The following PSMB2 variants were observed in gnomAD, a reference collection of about 807,000 sequenced individuals.
The protein encoded by PSMB2 is proteasome subunit beta type-2.
Under a neutral mutation model 25.7 loss-of-function variants are expected in PSMB2, and 13 were observed. The observed-to-expected ratio is 0.51, with a 90% CI of 0.33 to 0.80. The LOEUF is 0.80. Among genes scored for constraint, PSMB2 ranks in the 30% least tolerant of loss-of-function variants. PSMB2 has a pLI of 0.02. For synonymous variants in PSMB2, 87 were observed against 96.2 expected (o/e 0.90, Z 0.56); for missense variants, 202 against 259.0 (o/e 0.78, Z 1.51).
At chr1:35,628,631 A>ATATTTTTTTTTTTT (rs1202256440) in intron 3 of PSMB2, among the ~76,000 whole-genome samples, 2 of 38,084 alleles carry the variant, frequency 5.3e-5, no homozygotes, top group East Asian at 5.5e-3. Context: ...ATATATATAT[A>ATATTTTTTTTTTTT]TTTTTTTTTT....
chr1:35,613,461 T>C (rs1650396603), intron 3 of PSMB2, among the ~76,000 whole-genome samples: 1 of 152,020 alleles, frequency 6.6e-6, no homozygotes, highest in Non-Finnish European at 1.5e-5. Context: ...CAGTGAACTA[T>C]GATCCCCCCA....
intron 2 of PSMB2, among the ~76,000 whole-genome samples, chr1:35,632,528 A>G (rs903620476): frequency 6.6e-6 from 1 of 152,256 alleles, no homozygotes; most frequent in African/African-American, 2.4e-5. Context: ...TTCAGGGTCT[A>G]TGCTGAGTGT....
At chr1:35,638,854 G>A (rs1464974901) in intron 1 of PSMB2, among the ~76,000 whole-genome samples, 1 of 152,208 alleles carries the variant, frequency 6.6e-6, no homozygotes, top group Non-Finnish European at 1.5e-5. Context: ...ATTGGAAGTT[G>A]TATTATCATT....
Position 35,636,428 on chromosome 1 carries a change from A to G in PSMB2, c.96T>C (p.His32=), listed in dbSNP as rs1319080084. The change falls in exon 2 of 6, where the codon CAT becomes CAC. Residue 32 remains histidine, a synonymous_variant. Coordinates refer to ENST00000373237, the MANE Select transcript of PSMB2 (RefSeq NM_002794.5). ...TTTCACTCATCTTAAACATCTTGTC[A>G]TGATCTGCTCAAAGAAGAAAACTGT... ...ASNIVQMKDD[H]DKMFKMSEKI... 1.2e-6 allele frequency: 2 copies of G among 1,613,758 alleles called. No individual in the cohort carries two copies. The highest frequency in any genetic ancestry group is 1.7e-6 in the Non-Finnish European group (2 of 1,179,854).
chr1:35,605,967 A>C (rs1216292793), intron 4 of PSMB2, among the ~76,000 whole-genome samples: 1 of 152,258 alleles, frequency 6.6e-6, no homozygotes, highest in African/African-American at 2.4e-5. Flanking sequence ...TAGCGTGGCT[A>C]AGGTTGAGCG....
Position 35,601,674 on chromosome 1 carries a change from TC to T in PSMB2, c.*1592del. 2.0e-6 allele frequency: 2 copies of T among 985,310 alleles called. No homozygotes were observed. The highest frequency in any genetic ancestry group is 2.4e-6 in the Non-Finnish European group (2 of 829,844). The allele number at this position is 985,310 out of a possible 1,614,324, so 61.0% of individuals were successfully genotyped here. On this transcript the variant is annotated 3_prime_UTR_variant, in exon 6 of 6. Transcript: ENST00000373237. ...TAATCACAGACAAAACAAAAACCTA[TC>T]TGTATATGATATTAAGAGGAGCACA...
At chr1:35,637,454 G>C (rs1490273396) in intron 1 of PSMB2, among the ~76,000 whole-genome samples, 1 of 152,098 alleles carries the variant, frequency 6.6e-6, no homozygotes, top group Non-Finnish European at 1.5e-5. Flanking sequence ...TAAATATTCA[G>C]GTTACAGTTA....
intron 3 of PSMB2, among the ~76,000 whole-genome samples, chr1:35,614,915 C>A (rs1205924243): frequency 6.6e-6 from 1 of 152,142 alleles, no homozygotes; most frequent in South Asian, 2.1e-4. Flanking sequence ...TTAATGAGTA[C>A]ATGAGTTTAT....
chr1:35,622,382 A>T (rs1467324078), intron 3 of PSMB2, among the ~76,000 whole-genome samples: 1 of 152,250 alleles, frequency 6.6e-6, no homozygotes, highest in Non-Finnish European at 1.5e-5. Context: ...CACTTCTAAT[A>T]GTAAACATTT....
intron 1 of PSMB2, 67 bp downstream of exon 1, chr1:35,641,275 C>T: frequency 6.3e-7 from 1 of 1,592,164 alleles, no homozygotes. Flanking sequence ...TTATTCAACC[C>T]CCGACAAACT....
intron 5 of PSMB2, among the ~76,000 whole-genome samples, chr1:35,604,003 G>GGC (rs1650084692): frequency 6.9e-6 from 1 of 145,058 alleles, no homozygotes. Context: ...CTCCAGCCTG[G>GGC]GCAACAAAGT....
Position 35,631,325 on chromosome 1 carries a change from C to A in PSMB2, c.234G>T (p.Thr78=). 1.9e-6 allele frequency: 3 copies of A among 1,614,072 alleles called. No individual in the cohort carries two copies. The highest frequency in any genetic ancestry group is 2.5e-6 in the Non-Finnish European group (3 of 1,179,978). The change falls in exon 3 of 6, where the codon ACG becomes ACT. Residue 78 remains threonine (T), a synonymous_variant. Coordinates refer to ENST00000373237, the MANE Select transcript of PSMB2 (RefSeq NM_002794.5). ...KMRNGYELSP[T]AAANFTRRNL... ...TTCGGCGTGTGAAGTTAGCTGCTGC[C>A]GTGGGAGACAATTCATATCCTGGTA...
chr1:35,631,262 T>A lies in PSMB2; in HGVS notation c.285+12A>T. On this transcript the variant is annotated intron_variant, in intron 3 of 5. Coordinates refer to ENST00000373237, the MANE Select transcript of PSMB2 (RefSeq NM_002794.5). ...TTCTGCTCTATCTAACAATGTCTGA[T>A]ATATTACTTACCCGACTCCGAAGAC... 6.2e-7 allele frequency: 1 copy of A among 1,610,074 alleles called. No homozygotes were observed. The highest frequency in any genetic ancestry group is 8.5e-7 in the Non-Finnish European group (1 of 1,176,306).
intron 2 of PSMB2, chr1:35,631,577 T>G (rs1365088259): frequency 8.6e-7 from 1 of 1,158,272 alleles, no homozygotes; most frequent in Non-Finnish European, 1.1e-6. Context: ...AGTTCTATAG[T>G]GGAATGAAAC....
At chr1:35,605,175 C>A (rs370497134) in intron 5 of PSMB2, 58 bp downstream of exon 5, 2 of 1,520,468 alleles carry the variant, frequency 1.3e-6, no homozygotes, top group East Asian at 4.5e-5. Flanking sequence ...GGAACAGGAA[C>A]AACACTGGCA....
intron 1 of PSMB2, among the ~76,000 whole-genome samples, chr1:35,638,921 C>G (rs1485841239): frequency 6.6e-6 from 1 of 152,206 alleles, no homozygotes; most frequent in Non-Finnish European, 1.5e-5. Flanking sequence ...TTCTTGCCTA[C>G]TCTAAACAAG....
At chr1:35,636,473 G>A (rs749153296) in intron 1 of PSMB2, 41 bp from the exon 2 acceptor site, 2 of 1,594,802 alleles carry the variant, frequency 1.3e-6, no homozygotes, top group East Asian at 4.5e-5. Context: ...TGCCTTAACA[G>A]ACATTGACCG....
intron 1 of PSMB2, among the ~76,000 whole-genome samples, chr1:35,640,849 T>C (rs2148580937): frequency 6.6e-6 from 1 of 152,238 alleles, no homozygotes; most frequent in South Asian, 2.1e-4. Context: ...AAGAAGCATT[T>C]AGCGAAGGCC....
intron 3 of PSMB2, among the ~76,000 whole-genome samples, chr1:35,614,286 C>T (rs1650423882): frequency 6.6e-6 from 1 of 152,154 alleles, no homozygotes; most frequent in African/African-American, 2.4e-5. Context: ...TCCCTTAGTT[C>T]CCCATGATGT....
Sources: allele counts gnomAD v4.1 joint callset (sites outside exome capture counted in the v4.1 genomes callset), GRCh38; gene constraint gnomAD v4.1.1; transcripts MANE v1.5; gene names NCBI Gene and HGNC (gene_info 2026-07-23, HGNC 2026-07-21).